The following KCNIP1 variants were observed in gnomAD, a reference collection of about 807,000 sequenced individuals.
The protein encoded by KCNIP1 is A-type potassium channel modulatory protein KCNIP1.
KCNIP1 carries 18 observed loss-of-function variants against 33.0 expected under a neutral mutation model. The ratio of observed to expected loss-of-function variants is 0.55; its 90% CI spans 0.38 to 0.81. The LOEUF is 0.81. KCNIP1 is among the 30% of genes least tolerant of loss of function. The pLI is 0.00. For synonymous variants in KCNIP1, 93 were observed against 98.3 expected (o/e 0.95, Z 0.32); for missense variants, 238 against 271.6 (o/e 0.88, Z 0.87).
At chr5:170,674,758 G>A (rs554151964) in intron 1 of KCNIP1, among the ~76,000 whole-genome samples, 2 of 152,238 alleles carry the variant, frequency 1.3e-5, no homozygotes, top group South Asian at 2.1e-4. Context: ...AAAATGCCAG[G>A]GGAAAACCAG....
At chr5:170,554,018 T>G (rs1241304851) in intron 1 of KCNIP1, among the ~76,000 whole-genome samples, 1 of 152,264 alleles carries the variant, frequency 6.6e-6, no homozygotes, top group Non-Finnish European at 1.5e-5. Context: ...TGTCCATGCT[T>G]ACATGTCCTG....
chr5:170,733,277 T>G (rs1371723719), intron 6 of KCNIP1, among the ~76,000 whole-genome samples: 3 of 152,184 alleles, frequency 2.0e-5, no homozygotes, highest in African/African-American at 7.2e-5. Context: ...ATGAGACCTT[T>G]AAATGGAAGA....
At chr5:170,605,453 C>A (rs1177327271) in intron 1 of KCNIP1, among the ~76,000 whole-genome samples, 1 of 152,176 alleles carries the variant, frequency 6.6e-6, no homozygotes, top group Non-Finnish European at 1.5e-5. Context: ...ACTATTTTAA[C>A]CATTTTAAAG....
At chr5:170,447,541 C>T (rs1279387927) in intron 1 of KCNIP1, among the ~76,000 whole-genome samples, 4 of 152,124 alleles carry the variant, frequency 2.6e-5, no homozygotes, top group African/African-American at 9.7e-5. Flanking sequence ...GGGGGTGGCA[C>T]AAGGTGCGTG....
Position 170,432,428 on chromosome 5 carries a change from A to C in KCNIP1, c.88+78464A>C, listed in dbSNP as rs956252104. Among the ~76,000 whole-genome samples, 4 of 152,338 alleles carry C rather than the reference A, an allele frequency of 2.6e-5. No homozygotes were observed. In the East Asian group the frequency reaches 7.7e-4, roughly 29 times the overall value. On this transcript the variant is annotated intron_variant, in intron 1 of 7. Transcript: ENST00000377360. ...AATATTTATTGAGCAAATCATCTTGATTATTAAAAAGACAGGCCAGCTGGA... is the reference window on the plus strand; with the variant it reads ...AATATTTATTGAGCAAATCATCTTGCTTATTAAAAAGACAGGCCAGCTGGA...
intron 1 of KCNIP1, among the ~76,000 whole-genome samples, chr5:170,552,028 T>C (rs1581314451): frequency 6.6e-6 from 1 of 151,810 alleles, no homozygotes; most frequent in Admixed American, 6.6e-5. Flanking sequence ...AGAGAATGTG[T>C]GTGTGTGTGT....
chr5:170,715,491 T>C (rs1763615026), intron 1 of KCNIP1, among the ~76,000 whole-genome samples: 1 of 152,210 alleles, frequency 6.6e-6, no homozygotes, highest in Admixed American at 6.5e-5. Context: ...CTATTCAATC[T>C]GAGAATTTCC....
intron 1 of KCNIP1, among the ~76,000 whole-genome samples, chr5:170,633,109 G>T (rs1760123526): frequency 6.6e-6 from 1 of 152,126 alleles, no homozygotes; most frequent in South Asian, 2.1e-4. Flanking sequence ...GGGTTGCGAG[G>T]GTCACGCCTT....
intron 1 of KCNIP1, among the ~76,000 whole-genome samples, chr5:170,457,228 G>C (rs1239098349): frequency 6.6e-6 from 1 of 152,066 alleles, no homozygotes; most frequent in Non-Finnish European, 1.5e-5. Flanking sequence ...TACAAAAACT[G>C]ACTCAAGTAG....
At chr5:170,681,886 T>C (rs1188987249) in intron 1 of KCNIP1, among the ~76,000 whole-genome samples, 3 of 152,242 alleles carry the variant, frequency 2.0e-5, no homozygotes, top group Non-Finnish European at 4.4e-5. Flanking sequence ...ACACAGTTTG[T>C]CTAGATGATT....
At chr5:170,378,959 T>C in intron 1 of KCNIP1, 1 of 1,614,024 alleles carries the variant, frequency 6.2e-7, no homozygotes, top group Non-Finnish European at 8.5e-7. Flanking sequence ...CCACGCTGCC[T>C]GGGATGTAGG....
chr5:170,618,682 A>AT (rs1358303060), intron 1 of KCNIP1, among the ~76,000 whole-genome samples: 6 of 152,036 alleles, frequency 3.9e-5, no homozygotes, highest in African/African-American at 1.2e-4. Flanking sequence ...AATATGTGTG[A>AT]TTTTTTAGAC....
At chr5:170,564,456 C>G (rs577115939) in intron 1 of KCNIP1, among the ~76,000 whole-genome samples, 1 of 152,128 alleles carries the variant, frequency 6.6e-6, no homozygotes, top group Non-Finnish European at 1.5e-5. Flanking sequence ...AGCAGGAGAC[C>G]GAGCTGTTAG....
At chr5:170,534,685 A>T (rs968617204) in intron 1 of KCNIP1, among the ~76,000 whole-genome samples, 2 of 150,980 alleles carry the variant, frequency 1.3e-5, no homozygotes, top group Non-Finnish European at 3.0e-5. Flanking sequence ...TGCCCAGCTA[A>T]TTTTTTTTTA....
rs11948404 is a variant in KCNIP1 at position 170,684,400 on chromosome 5, C to T, written c.62-34358C>T. Among the ~76,000 whole-genome samples the T allele has an allele frequency of 3.4e-3, 521 of 152,276 alleles. 3 individuals are homozygous for T. The highest frequency in any genetic ancestry group is 0.012 in the African/African-American group (488 of 41,554). ...AAGGATTCCTCCTTGCCTCTTCCAG[C>T]TTTTGGTAGCTCCAGTGTTCTTTGG... is the stretch of plus-strand genomic sequence containing the variant. On this transcript the variant is annotated intron_variant, in intron 1 of 7. Transcript: ENST00000328939.
intron 1 of KCNIP1, among the ~76,000 whole-genome samples, chr5:170,625,779 T>C (rs565780822): frequency 6.6e-6 from 1 of 152,276 alleles, no homozygotes; most frequent in African/African-American, 2.4e-5. Flanking sequence ...GTTAGGATGA[T>C]TTCAGGAGTG....
chr5:170,521,937 C>G (rs1200015240), intron 1 of KCNIP1, among the ~76,000 whole-genome samples: 1 of 152,212 alleles, frequency 6.6e-6, no homozygotes, highest in East Asian at 1.9e-4. Flanking sequence ...GTTGCTCCCC[C>G]AACCCTAAGG....
intron 1 of KCNIP1, chr5:170,378,538 C>T (rs1257392181): frequency 1.2e-5 from 10 of 806,934 alleles, no homozygotes; most frequent in Non-Finnish European, 1.8e-5. Flanking sequence ...AATGACTTCA[C>T]AAAAGGATTT....
At chr5:170,400,607 G>A (rs1754877725) in intron 1 of KCNIP1, among the ~76,000 whole-genome samples, 1 of 152,186 alleles carries the variant, frequency 6.6e-6, no homozygotes, top group Non-Finnish European at 1.5e-5. Context: ...TCACCAACAT[G>A]TGCCAAGAAC....
Sources: gnomAD v4.1 joint callset for allele counts (sites outside exome capture counted in the v4.1 genomes callset) on GRCh38, gnomAD v4.1.1 for gene constraint, MANE v1.5 for transcripts, NCBI Gene and HGNC (gene_info 2026-07-23, HGNC 2026-07-21) for gene names.